Variants in VRK2 observed in about 807,000 individuals in gnomAD.
VRK2 encodes serine/threonine-protein kinase VRK2.
VRK2 carries 60 observed loss-of-function variants against 57.6 expected under a neutral mutation model. The ratio of observed to expected loss-of-function variants is 1.04; its 90% CI spans 0.85 to 1.29. The LOEUF is 1.29. VRK2 is among the 50% of genes most tolerant of loss of function. The pLI is 0.00. For synonymous variants in VRK2, 231 were observed against 199.2 expected (o/e 1.16, Z -1.35); for missense variants, 705 against 588.1 (o/e 1.20, Z -2.06).
At chr2:57,923,242 G>T (rs573639828) in intron 1 of VRK2, among the ~76,000 whole-genome samples, 222 of 152,098 alleles carry the variant, frequency 1.5e-3, no homozygotes, top group Middle Eastern at 3.4e-3. Flanking sequence ...ATACCTAGCT[G>T]TGAGATTGCT....
intron 1 of VRK2, among the ~76,000 whole-genome samples, chr2:57,935,265 A>C (rs1342057412): frequency 6.6e-6 from 1 of 152,034 alleles, no homozygotes; most frequent in Non-Finnish European, 1.5e-5. Flanking sequence ...AAAGATTCTT[A>C]AACTGTCTCA....
intron 1 of VRK2, among the ~76,000 whole-genome samples, chr2:57,937,834 T>C (rs891814011): frequency 6.3e-5 from 9 of 143,724 alleles, no homozygotes; most frequent in African/African-American, 2.0e-4. Flanking sequence ...TTTCTTTTTT[T>C]TTTTTTTTTT....
intron 2 of VRK2, among the ~76,000 whole-genome samples, chr2:58,061,091 G>A (rs1677258337): frequency 6.7e-6 from 1 of 149,726 alleles, no homozygotes. Flanking sequence ...GTAAAACTTG[G>A]GGGATTTTTT....
intron 1 of VRK2, among the ~76,000 whole-genome samples, chr2:57,936,593 G>A (rs931517509): frequency 6.6e-6 from 1 of 150,660 alleles, no homozygotes; most frequent in Non-Finnish European, 1.5e-5. Context: ...GAGTGCAGTG[G>A]AGGGATCTCA....
intron 1 of VRK2, among the ~76,000 whole-genome samples, chr2:58,014,902 C>T (rs60152647): frequency 0.1 from 15,717 of 151,884 alleles, 1,002 homozygotes; most frequent in African/African-American, 0.16. Flanking sequence ...GGAACAGAAC[C>T]CAAGTGGAAA....
intron 2 of VRK2, among the ~76,000 whole-genome samples, chr2:58,073,845 T>A (rs528933980): frequency 6.6e-6 from 1 of 152,022 alleles, no homozygotes; most frequent in African/African-American, 2.4e-5. Context: ...GAGAATGATG[T>A]AGGCTGGGAG....
At position 58,076,110 on chromosome 2, in the gene VRK2, T is replaced by C. The variant is rs995300463; in HGVS notation, c.137-7979T>C. Among the ~76,000 whole-genome samples, 4 of 150,316 alleles carry C rather than the reference T, an allele frequency of 2.7e-5. 1 individual carries two copies. Among genetic ancestry groups the C allele is most frequent in the African/African-American group, 7.3e-5 (3 of 41,216 alleles). ...CCTTCTAATAGCTACTGTCTTCTTT[T>C]TTTTTTTTTTTTTTGGTCTATATTT... is the stretch of plus-strand genomic sequence containing the variant. On this transcript the variant is annotated intron_variant, in intron 2 of 12. Coordinates refer to ENST00000340157, the MANE Select transcript of VRK2 (RefSeq NM_006296.7).
At chr2:57,992,970 G>C (rs1393133397) in intron 1 of VRK2, among the ~76,000 whole-genome samples, 1 of 152,152 alleles carries the variant, frequency 6.6e-6, no homozygotes, top group Non-Finnish European at 1.5e-5. Context: ...CTTGGGTAAA[G>C]TTTTTCAACT....
intron 1 of VRK2, among the ~76,000 whole-genome samples, chr2:57,921,284 G>A (rs995447226): frequency 3.7e-4 from 35 of 94,020 alleles, no homozygotes; most frequent in South Asian, 2.2e-3. Flanking sequence ...ATTCTTAAGC[G>A]CGCACACACA....
At chr2:58,098,470 A>G (rs762171536) in intron 7 of VRK2, among the ~76,000 whole-genome samples, 2 of 152,100 alleles carry the variant, frequency 1.3e-5, no homozygotes, top group Non-Finnish European at 1.5e-5. Context: ...TAAATGCCCT[A>G]TACAGCTATA....
In VRK2 at chr2:58,002,830, C is replaced by A. The variant is rs553462082; in HGVS notation, c.-438-22835C>A. ...TTCAGACATTAGAATAATGCTGTTACAACTGTTAAAGCATGCTTCATTTTG... is the reference window on the plus strand; with the variant it reads ...TTCAGACATTAGAATAATGCTGTTAAAACTGTTAAAGCATGCTTCATTTTG... On this transcript the variant is annotated intron_variant, in intron 1 of 15. Coordinates refer to the VRK2 transcript ENST00000417641. Among the ~76,000 whole-genome samples the A allele has an allele frequency of 6.6e-5, 10 of 152,280 alleles. No individual in the cohort carries two copies. The South Asian group carries it at 1.7e-3, about 25-fold the overall frequency.
chr2:58,046,645 G>C, upstream of VRK2: 1 of 985,446 alleles, frequency 1.0e-6, no homozygotes, highest in East Asian at 1.1e-4. Context: ...CCGGGGCGTG[G>C]ACAGGCCGCT....
chr2:57,991,067 A>C (rs1241954408), intron 1 of VRK2, among the ~76,000 whole-genome samples: 1 of 152,178 alleles, frequency 6.6e-6, no homozygotes, highest in East Asian at 1.9e-4. Flanking sequence ...TAAACAAAAA[A>C]AAAACTTTAA....
In VRK2 at chr2:57,962,769, T is replaced by C. The variant is rs191239483; in HGVS notation, c.-439+54930T>C. Among the ~76,000 whole-genome samples the C allele has an allele frequency of 3.3e-5, 5 of 152,364 alleles. No homozygotes were observed. The East Asian group carries it at 9.6e-4, about 29-fold the overall frequency. On this transcript the variant is annotated intron_variant, in intron 1 of 15. Coordinates refer to the VRK2 transcript ENST00000417641. ...TAAGAAAAAGATGGATAAATAAAAT[T>C]CCTAAACCTAATTTTTCATTTTACT...
chr2:58,070,362 A>C (rs1669212177), intron 2 of VRK2, among the ~76,000 whole-genome samples: 1 of 152,038 alleles, frequency 6.6e-6, no homozygotes, highest in South Asian at 2.1e-4. Flanking sequence ...TATGTTATAT[A>C]GTTTTATGGG....
chr2:58,159,310 C>T (rs1166680755), intron 12 of VRK2, 39 bp from the exon 13 acceptor site: 8 of 1,464,362 alleles, frequency 5.5e-6, no homozygotes, highest in South Asian at 1.3e-5. Flanking sequence ...GGATAACTCA[C>T]GTCTAACAAA....
At chr2:58,135,873 A>G (rs1300792953) in intron 10 of VRK2, among the ~76,000 whole-genome samples, 3 of 152,204 alleles carry the variant, frequency 2.0e-5, no homozygotes, top group African/African-American at 7.2e-5. Flanking sequence ...TAATTTAACA[A>G]TTGAGTTAGA....
intron 12 of VRK2, among the ~76,000 whole-genome samples, chr2:58,148,154 T>C (rs1682452774): frequency 6.6e-6 from 1 of 151,900 alleles, no homozygotes; most frequent in African/African-American, 2.4e-5. Flanking sequence ...ACCAGTAATG[T>C]ACAAGAGTTC....
chr2:57,959,588 C>G (rs893648232), intron 1 of VRK2, among the ~76,000 whole-genome samples: 1 of 152,110 alleles, frequency 6.6e-6, no homozygotes, highest in Admixed American at 6.6e-5. Flanking sequence ...GGCATCGGAT[C>G]GATACAGCTA....
Sources: gnomAD v4.1 joint callset for allele counts (sites outside exome capture counted in the v4.1 genomes callset) on GRCh38, gnomAD v4.1.1 for gene constraint, MANE v1.5 for transcripts, NCBI Gene and HGNC (gene_info 2026-07-23, HGNC 2026-07-21) for gene names.